Variants in ADAM32 observed in about 807,000 individuals in gnomAD.
ADAM32 encodes the protein disintegrin and metalloproteinase domain-containing protein 32.
A neutral mutation model predicts 114.9 loss-of-function variants in ADAM32; 89 were observed. The ratio of observed to expected loss-of-function variants is 0.77; its 90% CI spans 0.65 to 0.92. The LOEUF (loss-of-function observed/expected upper bound fraction) is 0.92. Ranked by LOEUF, ADAM32 falls within the 40% of genes least tolerant of loss-of-function variation. ADAM32 has a pLI of 0.00. For synonymous variants in ADAM32, 285 were observed against 307.5 expected, an observed-to-expected ratio of 0.93 and a Z score of 0.77; for missense variants, 870 against 932.8, an observed-to-expected ratio of 0.93 and a Z score of 0.88.
Position 39,160,158 on chromosome 8 carries a change from A to C in ADAM32, c.526-739A>C, listed in dbSNP as rs147849945. On this transcript the variant is annotated intron_variant, in intron 6 of 24. Transcript: ENST00000379907. ...CACTTCTATTGCCTTTATTGGCTCA[A>C]ACAAGTTACAAAGCCCAGCCCAGAT... Among the ~76,000 whole-genome samples the C allele has an allele frequency of 1.2e-3, 187 of 152,308 alleles. 1 individual carries two copies. Among genetic ancestry groups the C allele is most frequent in the African/African-American group, 4.0e-3 (167 of 41,572 alleles).
chr8:39,226,144 A>G (rs922876744), intron 14 of ADAM32, among the ~76,000 whole-genome samples: 1 of 152,176 alleles, frequency 6.6e-6, no homozygotes, highest in Non-Finnish European at 1.5e-5. Context: ...AGCAAAAGAA[A>G]GATCTGTGAA....
intron 3 of ADAM32, 22 bp from the exon 4 acceptor site, chr8:39,147,108 T>A: frequency 2.2e-6 from 2 of 898,590 alleles, no homozygotes; most frequent in East Asian, 3.8e-5. Context: ...ATTAAAAAAA[T>A]TTCCTCTTTT....
chr8:39,117,797 T>C (rs528031481), intron 1 of ADAM32, among the ~76,000 whole-genome samples: 1 of 152,294 alleles, frequency 6.6e-6, no homozygotes, highest in South Asian at 2.1e-4. Context: ...GAATCTTTTA[T>C]TTCAGGAAAA....
chr8:39,269,869 A>G (rs1161432494), intron 19 of ADAM32, among the ~76,000 whole-genome samples: 3 of 152,240 alleles, frequency 2.0e-5, no homozygotes, highest in African/African-American at 7.2e-5. Context: ...AAGAGGTTTA[A>G]TTGACTCACA....
At chr8:39,269,336 A>G (rs964088565) in intron 19 of ADAM32, among the ~76,000 whole-genome samples, 1 of 152,218 alleles carries the variant, frequency 6.6e-6, no homozygotes. Context: ...TGCACTGTCT[A>G]GTAGCCAATG....
intron 16 of ADAM32, among the ~76,000 whole-genome samples, chr8:39,238,027 A>G (rs892599982): frequency 6.6e-6 from 1 of 152,232 alleles, no homozygotes; most frequent in Admixed American, 6.5e-5. Context: ...GAAGGAAAAA[A>G]CAACAGCTAA....
rs1234220878 is a variant in ADAM32 at position 39,145,581 on chromosome 8, T to C, written c.201-1549T>C. 2.0e-5 allele frequency among the ~76,000 whole-genome samples: 3 copies of C among 152,098 alleles called. No homozygotes were observed. In the East Asian group the frequency reaches 5.8e-4, roughly 29 times the overall value. Reference sequence around the variant, plus strand: ...ATCCAAATAAAGGGACTTAGAAACGTAGAAAGACAGGAGAACCAGGAGGAA... The same window carrying C: ...ATCCAAATAAAGGGACTTAGAAACGCAGAAAGACAGGAGAACCAGGAGGAA... On this transcript the variant is annotated intron_variant, in intron 3 of 24. Coordinates refer to ENST00000379907, the MANE Select transcript of ADAM32 (RefSeq NM_145004.7).
intron 10 of ADAM32, among the ~76,000 whole-genome samples, chr8:39,181,669 G>T (rs1805903247): frequency 6.6e-6 from 1 of 152,180 alleles, no homozygotes; most frequent in Admixed American, 6.5e-5. Context: ...GGAAATTCAG[G>T]GTGTATGTAA....
chr8:39,181,740 T>A (rs1188508990), intron 10 of ADAM32, among the ~76,000 whole-genome samples: 3 of 152,090 alleles, frequency 2.0e-5, no homozygotes, highest in Non-Finnish European at 4.4e-5. Context: ...ACAGTGAAAA[T>A]GTGGTTGGAA....
intron 17 of ADAM32, among the ~76,000 whole-genome samples, chr8:39,251,408 T>C (rs1811299019): frequency 6.6e-6 from 1 of 151,904 alleles, no homozygotes; most frequent in South Asian, 2.1e-4. Context: ...TAAGCCATTT[T>C]AACTGGATTG....
At chr8:39,277,872 T>C (rs1358860894) in intron 22 of ADAM32, among the ~76,000 whole-genome samples, 1 of 152,182 alleles carries the variant, frequency 6.6e-6, no homozygotes, top group Non-Finnish European at 1.5e-5. Context: ...GCTTAAGTAT[T>C]AACAGCTCAG....
intron 5 of ADAM32, among the ~76,000 whole-genome samples, chr8:39,151,038 C>A (rs1044790703): frequency 6.8e-6 from 1 of 147,900 alleles, no homozygotes; most frequent in Non-Finnish European, 1.5e-5. Flanking sequence ...CATGGCAAAC[C>A]AGAGAGAAAG....
chr8:39,280,855 T>A (rs920037289), intron 22 of ADAM32, among the ~76,000 whole-genome samples: 1 of 152,042 alleles, frequency 6.6e-6, no homozygotes, highest in African/African-American at 2.4e-5. Context: ...TGATCTTGGC[T>A]CACTGCAAGC....
chr8:39,143,857 G>T (rs1048827941), intron 3 of ADAM32, among the ~76,000 whole-genome samples: 2 of 152,180 alleles, frequency 1.3e-5, no homozygotes, highest in Middle Eastern at 3.2e-3. Flanking sequence ...CTGAGCTGTG[G>T]TGGGGTCTGC....
chr8:39,218,461 T>G (rs1012832931), intron 12 of ADAM32, among the ~76,000 whole-genome samples: 10 of 152,124 alleles, frequency 6.6e-5, no homozygotes, highest in Non-Finnish European at 1.5e-4. Context: ...GGGAGCAAGT[T>G]CTCACAGCCC....
At chr8:39,168,316 T>C (rs11775913) in intron 9 of ADAM32, 36,553 of 152,080 alleles carry the variant, frequency 0.24, 4,765 homozygotes, top group Non-Finnish European at 0.28. Flanking sequence ...TGTGGTCAGC[T>C]GCTTGACTTA....
intron 11 of ADAM32, among the ~76,000 whole-genome samples, chr8:39,194,184 G>A (rs547766128): frequency 6.6e-6 from 1 of 152,276 alleles, no homozygotes; most frequent in South Asian, 2.1e-4. Flanking sequence ...GCACTGGTGG[G>A]TGCAGGACAG....
chr8:39,151,691 T>TTTTC, intron 6 of ADAM32, 143 bp downstream of exon 6: 1 of 632,964 alleles, frequency 1.6e-6, no homozygotes, highest in Non-Finnish European at 2.4e-6. Flanking sequence ...TTTTTTTTTT[T>TTTTC]CTCACTCTCT....
At chr8:39,174,487 T>G (rs1441207555) in intron 10 of ADAM32, among the ~76,000 whole-genome samples, 1 of 151,782 alleles carries the variant, frequency 6.6e-6, no homozygotes, top group African/African-American at 2.4e-5. Flanking sequence ...TGCCTCAGTT[T>G]CCTTATTTAT....
Sources: allele counts gnomAD v4.1 joint callset (sites outside exome capture counted in the v4.1 genomes callset), GRCh38; gene constraint gnomAD v4.1.1; transcripts MANE v1.5; gene names NCBI Gene and HGNC (gene_info 2026-07-23, HGNC 2026-07-21).